Variants in AGA observed in about 807,000 individuals in gnomAD.
The protein encoded by AGA is N(4)-(beta-N-acetylglucosaminyl)-L-asparaginase.
Under a neutral mutation model 40.1 loss-of-function variants are expected in AGA, and 31 were observed. The observed-to-expected ratio is 0.77, with a 90% CI of 0.58 to 1.04. The LOEUF (loss-of-function observed/expected upper bound fraction) is 1.04. AGA is among the 50% of genes least tolerant of loss of function. The pLI is 0.00. For missense variants in AGA, 445 were observed against 435.4 expected, an observed-to-expected ratio of 1.02 and a Z score of -0.20; for synonymous variants, 148 against 144.0, an observed-to-expected ratio of 1.03 and a Z score of -0.20.
At chr4:177,437,242 A>C in intron 5 of AGA, 163 bp downstream of exon 5, 1 of 624,868 alleles carries the variant, frequency 1.6e-6, no homozygotes, top group Non-Finnish European at 2.8e-6. Context: ...AATTTGCCAA[A>C]TTTTATACAG....
At chr4:177,440,095 T>G in intron 2 of AGA, 178 bp downstream of exon 2, 1 of 722,058 alleles carries the variant, frequency 1.4e-6, no homozygotes, top group South Asian at 1.7e-5. Context: ...GTGATATTTC[T>G]ATTACTCTGA....
intron 4 of AGA, 144 bp from the exon 5 acceptor site, chr4:177,437,663 A>G (rs1004576397): frequency 1.5e-6 from 1 of 649,480 alleles, no homozygotes; most frequent in Non-Finnish European, 2.7e-6. Flanking sequence ...CTAAGAAATC[A>G]CTAAGTCTTA....
chr4:177,433,507 C>T (rs1165076181), intron 7 of AGA, among the ~76,000 whole-genome samples, 160 bp from the exon 8 acceptor site: 1 of 152,204 alleles, frequency 6.6e-6, no homozygotes, highest in Admixed American at 6.5e-5. Flanking sequence ...ATCCACAAAG[C>T]AAGTCCACTT....
At chr4:177,431,996 T>C (rs1034937254) in intron 8 of AGA, among the ~76,000 whole-genome samples, 188 bp from the exon 9 acceptor site, 12 of 152,204 alleles carry the variant, frequency 7.9e-5, no homozygotes, top group African/African-American at 2.4e-4. Context: ...ATGAGGTAGC[T>C]GGTAAACTAT....
rs6855346 is a variant in AGA, at chr4:177,439,042, T to C, written c.395-185A>G. ...TTTAGACCTTCGATTTCCTTATGCC[T>C]TTCCTAAAACAGATCCACTTAAAAC... is the stretch of plus-strand genomic sequence containing the variant. On this transcript the variant is annotated intron_variant, in intron 3 of 8. Transcript: ENST00000264595. 0.93 allele frequency among the ~76,000 whole-genome samples: 142,036 copies of C among 152,174 alleles called. 67,084 individuals are homozygous for C. Among genetic ancestry groups the C allele is most frequent in the East Asian group, 1 (5,168 of 5,168 alleles).
In AGA at chr4:177,434,289, C is replaced by T. The variant is rs1215951995; in HGVS notation, c.806+93G>A. The T allele has an allele frequency of 6.9e-6, 8 of 1,160,576 alleles. 1 individual carries two copies. In the South Asian group the frequency reaches 9.8e-5, roughly 14 times the overall value. The allele number at this position is 1,160,576 out of a possible 1,614,324, so 71.9% of individuals were successfully genotyped here. On this transcript the variant is annotated intron_variant, in intron 7 of 8. Transcript: ENST00000264595. The stretch of plus-strand genomic sequence containing the variant: ...AAATGCTAGGATTACAGTCGTGAGC[C>T]ACTGCACCCAGCCTCAAAAATTATT...
At position 177,440,344 on chromosome 4, in the gene AGA, G is replaced by C; in HGVS notation, c.210C>G (p.Asp70Glu). The change falls in exon 2 of 9, where the codon GAC (aspartate) becomes GAG (glutamate). Residue 70 changes from aspartate (D) to glutamate (E), a missense_variant. Transcript: ENST00000264595. Reference protein sequence around the residue: ...GCAMCEREQCDGSVGFGGSPD... With the variant: ...GCAMCEREQCEGSVGFGGSPD... ...GACTTCCTCCAAAGCCTACAGAGCC[G>C]TCACACTGCTCTCTCTCACACATGG... 1.2e-6 allele frequency: 2 copies of C among 1,614,002 alleles called. No homozygotes were observed. Among genetic ancestry groups the C allele is most frequent in the East Asian group, 4.5e-5 (2 of 44,878 alleles).
At chr4:177,435,164 G>T (rs2111010771) in intron 6 of AGA, among the ~76,000 whole-genome samples, 1 of 152,050 alleles carries the variant, frequency 6.6e-6, no homozygotes, top group Non-Finnish European at 1.5e-5. Flanking sequence ...GCCTGCCTTG[G>T]CCTCCCAAAG....
intron 6 of AGA, 73 bp downstream of exon 6, chr4:177,436,203 C>G: frequency 7.9e-7 from 1 of 1,262,838 alleles, no homozygotes; most frequent in Non-Finnish European, 1.2e-6. Context: ...CTTTGCAACC[C>G]CCATAGCACC....
At chr4:177,436,136 G>T in intron 6 of AGA, 140 bp downstream of exon 6, 1 of 744,846 alleles carries the variant, frequency 1.3e-6, no homozygotes, top group Non-Finnish European at 2.4e-6. Context: ...GCACTCAGCA[G>T]AGAGTACTGC....
chr4:177,436,319 C>A lies in AGA; in HGVS notation c.655G>T (p.Ala219Ser). Residue 219 changes from alanine (A) to serine (S), a missense_variant, in exon 6 of 9, where the codon GCT becomes TCT. Ala to Ser is a moderately conservative substitution (Grantham distance 99). Coordinates refer to ENST00000264595, the MANE Select transcript of AGA (RefSeq NM_000027.4). Reference protein sequence around the residue: ...MVVIHKTGHIAAGTSTNGIKF... With the variant: ...MVVIHKTGHISAGTSTNGIKF... ...ATACCATTTGTAGATGTACCAGCAG[C>A]AATATGTCCTGTCTTATGGATTACA... The A allele has an allele frequency of 6.2e-7, 1 of 1,613,062 alleles. No homozygotes were observed. The highest frequency in any genetic ancestry group is 8.5e-7 in the Non-Finnish European group (1 of 1,179,646).
At chr4:177,438,491 C>G (rs534578934) in intron 4 of AGA, among the ~76,000 whole-genome samples, 1 of 152,300 alleles carries the variant, frequency 6.6e-6, no homozygotes, top group Admixed American at 6.5e-5. Context: ...GAGGCAGCCA[C>G]CTCCACATGG....
intron 7 of AGA, among the ~76,000 whole-genome samples, chr4:177,433,771 A>T (rs1009250534): frequency 2.0e-5 from 3 of 152,220 alleles, no homozygotes; most frequent in Non-Finnish European, 1.5e-5. Context: ...ACCATCAATT[A>T]TCACAGCTCC....
In AGA at chr4:177,433,199, C is replaced by G; in HGVS notation, c.940+15G>C. The G allele has an allele frequency of 1.2e-6, 2 of 1,613,900 alleles. No individual in the cohort carries two copies. The highest frequency in any genetic ancestry group is 1.7e-6 in the Non-Finnish European group (2 of 1,179,922). ...TTGGAAGTTCACACAAATACAAAAT[C>G]CAAACACAACTTACCGTAACTTCCA... On this transcript the variant is annotated intron_variant, in intron 8 of 8. Transcript: ENST00000264595.
At chr4:177,438,134 C>A (rs979069057) in intron 4 of AGA, among the ~76,000 whole-genome samples, 2 of 152,144 alleles carry the variant, frequency 1.3e-5, no homozygotes, top group African/African-American at 4.8e-5. Context: ...GGTGCCTCCC[C>A]TAACTTCGTT....
chr4:177,437,481 G>A lies in AGA; in HGVS notation c.546C>T (p.Tyr182=). 1 of 1,613,046 alleles carries A rather than the reference G, an allele frequency of 6.2e-7. No homozygotes were observed. The highest frequency in any genetic ancestry group is 2.2e-5 in the East Asian group (1 of 44,784). The part of the protein sequence containing the change: ...IPDPSKYCGP[Y]KPPGILKQDI... ...CCTGCTTTAAGATACCAGGTGGTTT[G>A]TAGGGTCCGCAGTATTTTGAGGGAT... Residue 182 remains tyrosine (Y), a synonymous_variant, in exon 5 of 9, where the codon TAC becomes TAT. Coordinates refer to ENST00000264595, the MANE Select transcript of AGA (RefSeq NM_000027.4).
intron 6 of AGA, 56 bp from the exon 7 acceptor site, chr4:177,434,545 T>A: frequency 7.1e-7 from 1 of 1,404,346 alleles, no homozygotes; most frequent in Non-Finnish European, 1.0e-6. Flanking sequence ...ACACATTAAG[T>A]CATAAGCTGT....
chr4:177,438,860 G>T lies in AGA; in HGVS notation c.395-3C>A. ...CATACTTTGAGCAAATGTGGTGGCTGGAGATTGGAAAAAAGGAAAGTATAA... is the reference window on the plus strand; with the variant it reads ...CATACTTTGAGCAAATGTGGTGGCTTGAGATTGGAAAAAAGGAAAGTATAA... On this transcript the variant is annotated splice_polypyrimidine_tract_variant and splice_region_variant and intron_variant, in intron 3 of 8. Transcript: ENST00000264595. The T allele has an allele frequency of 6.5e-7, 1 of 1,533,198 alleles. No homozygotes were observed. Among genetic ancestry groups the T allele is most frequent in the Non-Finnish European group, 9.0e-7 (1 of 1,106,030 alleles). 95.0% of individuals were successfully genotyped at this position (1,533,198 alleles called of 1,614,324 possible).
At chr4:177,438,655 C>T (rs1736896422) in intron 4 of AGA, 90 bp downstream of exon 4, 1 of 878,198 alleles carries the variant, frequency 1.1e-6, no homozygotes, top group Non-Finnish European at 1.9e-6. Flanking sequence ...CTAACCAGTA[C>T]CCTGGACAAC....
Sources: allele counts gnomAD v4.1 joint callset (sites outside exome capture counted in the v4.1 genomes callset), GRCh38; gene constraint gnomAD v4.1.1; transcripts MANE v1.5; gene names NCBI Gene and HGNC (gene_info 2026-07-23, HGNC 2026-07-21).